Variants in FBLN7 observed in about 807,000 individuals in gnomAD.
The protein encoded by FBLN7 is fibulin-7.
A neutral mutation model predicts 44.0 loss-of-function variants in FBLN7; 31 were observed. The observed-to-expected ratio is 0.70, with a 90% CI of 0.53 to 0.95. The LOEUF (loss-of-function observed/expected upper bound fraction) is 0.95, where lower values mean the gene tolerates loss of function less well. Among genes scored for constraint, FBLN7 ranks in the 40% least tolerant of loss-of-function variants. The probability of loss-of-function intolerance (pLI) is 0.00; values close to 1 mark genes in which losing one functional copy is unlikely to be tolerated. For synonymous variants in FBLN7, 262 were observed against 253.4 expected (o/e 1.03, Z -0.32); for missense variants, 573 against 618.5 (o/e 0.93, Z 0.78).
intron 1 of FBLN7, among the ~76,000 whole-genome samples, chr2:112,142,092 C>T (rs1179768448): frequency 6.6e-6 from 1 of 152,204 alleles, no homozygotes; most frequent in East Asian, 1.9e-4. Flanking sequence ...ACCCACAGTC[C>T]TATGTGGCCA....
the FBLN7 span, among the ~76,000 whole-genome samples, chr2:112,200,661 A>G: frequency 2.0e-5 from 3 of 151,986 alleles, no homozygotes; most frequent in Non-Finnish European, 2.9e-5. Flanking sequence ...CAGCCTCACA[A>G]GTGGCTGGGA....
intron 1 of FBLN7, among the ~76,000 whole-genome samples, chr2:112,157,508 G>C (rs1234084141): frequency 6.6e-6 from 1 of 152,182 alleles, no homozygotes; most frequent in Admixed American, 6.5e-5. Flanking sequence ...ACAGCCCCCA[G>C]TGAATGTGAA....
the FBLN7 span, among the ~76,000 whole-genome samples, chr2:112,235,936 T>TAAAA: frequency 2.4e-5 from 3 of 122,580 alleles, no homozygotes; most frequent in East Asian, 2.4e-4. Flanking sequence ...AGTATAACAC[T>TAAAA]AAAAAAAAAA....
the FBLN7 span, among the ~76,000 whole-genome samples, chr2:112,202,637 C>A: frequency 6.6e-6 from 1 of 152,026 alleles, no homozygotes; most frequent in Non-Finnish European, 1.5e-5. Flanking sequence ...TGAAGGCTAG[C>A]AACAATTTGA....
the FBLN7 span, among the ~76,000 whole-genome samples, chr2:112,194,881 T>C: frequency 6.6e-6 from 1 of 152,168 alleles, no homozygotes; most frequent in South Asian, 2.1e-4. Context: ...AGAAGTAAGA[T>C]CTCCACATCT....
rs542504970 is a variant in FBLN7, at chr2:112,182,223, G to A, written c.670+347G>A. Among the ~76,000 whole-genome samples, 12 of 152,314 alleles carry A rather than the reference G, an allele frequency of 7.9e-5. No individual in the cohort carries two copies. The East Asian group carries it at 2.1e-3, about 27-fold the overall frequency. ...TTAAATCGCCGTGTTGGTAGAGCGGGCCCGGAGCTGGGTAGGGGTGTGGGA... is the reference window on the plus strand; with the variant it reads ...TTAAATCGCCGTGTTGGTAGAGCGGACCCGGAGCTGGGTAGGGGTGTGGGA... On this transcript the variant is annotated intron_variant, in intron 5 of 7. Transcript: ENST00000331203.
intron 1 of FBLN7, among the ~76,000 whole-genome samples, chr2:112,159,191 G>GTT (rs5833433): frequency 1.8e-3 from 264 of 147,426 alleles, no homozygotes; most frequent in African/African-American, 4.5e-3. Context: ...ACTCTAGTGA[G>GTT]TTTTTTTTTT....
the FBLN7 span, chr2:112,233,473 G>A: frequency 1.0e-5 from 8 of 768,874 alleles, no homozygotes; most frequent in Non-Finnish European, 1.7e-5. Context: ...ATTCCAGAAA[G>A]AACCAAAGTC....
In FBLN7 at chr2:112,159,670, C is replaced by T. The variant is rs1253433673; in HGVS notation, c.76-6C>T. On this transcript the variant is annotated splice_region_variant and splice_polypyrimidine_tract_variant and intron_variant, in intron 1 of 7. Coordinates refer to ENST00000331203, the MANE Select transcript of FBLN7 (RefSeq NM_153214.3). ...GGGTGGTGGCGGCGATGTCTTCTCTCCGCAGAACTGTCTCAGCAAACAGCA... is the reference window on the plus strand; with the variant it reads ...GGGTGGTGGCGGCGATGTCTTCTCTTCGCAGAACTGTCTCAGCAAACAGCA... The T allele has an allele frequency of 6.5e-7, 1 of 1,538,532 alleles. No homozygotes were observed. The highest frequency in any genetic ancestry group is 1.2e-5 in the South Asian group (1 of 83,216).
At chr2:112,171,816 G>C (rs898039664) in intron 3 of FBLN7, among the ~76,000 whole-genome samples, 1 of 152,128 alleles carries the variant, frequency 6.6e-6, no homozygotes, top group African/African-American at 2.4e-5. Context: ...GCACAATCTT[G>C]GCTCACTGCA....
the FBLN7 span, among the ~76,000 whole-genome samples, chr2:112,235,297 T>C: frequency 6.6e-6 from 1 of 152,244 alleles, no homozygotes; most frequent in East Asian, 1.9e-4. Context: ...TTGTTTTATT[T>C]GGTAACATTA....
At chr2:112,197,199 G>A in the FBLN7 span, among the ~76,000 whole-genome samples, 2 of 140,318 alleles carry the variant, frequency 1.4e-5, no homozygotes, top group South Asian at 4.8e-4. Flanking sequence ...AGTTAAGATG[G>A]AATCATCATA....
At chr2:112,238,469 G>A in the FBLN7 span, 1 of 1,612,942 alleles carries the variant, frequency 6.2e-7, no homozygotes, top group Non-Finnish European at 8.5e-7. Flanking sequence ...ATACATCATA[G>A]TCCTTACTTC....
At chr2:112,174,210 A>G (rs1455189588) in intron 3 of FBLN7, among the ~76,000 whole-genome samples, 1 of 152,238 alleles carries the variant, frequency 6.6e-6, no homozygotes, top group African/African-American at 2.4e-5. Context: ...CCAAGCTCTA[A>G]GCAACCCCAA....
intron 2 of FBLN7, among the ~76,000 whole-genome samples, chr2:112,160,663 C>T (rs1253162340): frequency 1.5e-4 from 22 of 143,214 alleles, no homozygotes; most frequent in African/African-American, 5.1e-4. Context: ...CACACGCGCA[C>T]GCACACGCAC....
intron 2 of FBLN7, among the ~76,000 whole-genome samples, chr2:112,160,686 G>A (rs62158709): frequency 3.8e-5 from 5 of 130,840 alleles, no homozygotes; most frequent in Non-Finnish European, 6.4e-5. Flanking sequence ...GCAGACGCAC[G>A]CACACGCACA....
chr2:112,162,978 C>G (rs997091896), intron 2 of FBLN7, among the ~76,000 whole-genome samples: 1 of 152,186 alleles, frequency 6.6e-6, no homozygotes, highest in African/African-American at 2.4e-5. Context: ...CGGGAGCAGC[C>G]GAGTCCTGGG....
chr2:112,240,951 C>CAG, the FBLN7 span, among the ~76,000 whole-genome samples: 1 of 117,902 alleles, frequency 8.5e-6, no homozygotes, highest in African/African-American at 3.4e-5. Context: ...GTACAGGTAA[C>CAG]AGTGTGTGTG....
intron 1 of FBLN7, among the ~76,000 whole-genome samples, chr2:112,139,844 C>T (rs1425395326): frequency 1.2e-5 from 1 of 83,934 alleles, no homozygotes; most frequent in Non-Finnish European, 2.4e-5. Flanking sequence ...TCCCTCCCGC[C>T]TCTCTCCACG....
Sources: allele counts gnomAD v4.1 joint callset (sites outside exome capture counted in the v4.1 genomes callset), GRCh38; gene constraint gnomAD v4.1.1; transcripts MANE v1.5; gene names NCBI Gene and HGNC (gene_info 2026-07-23, HGNC 2026-07-21).